The following ALS2 variants were observed in gnomAD, a reference collection of about 807,000 sequenced individuals.
ALS2 encodes alsin Rho guanine nucleotide exchange factor ALS2.
ALS2 carries 117 observed loss-of-function variants against 203.4 expected under a neutral mutation model. The ratio of observed to expected loss-of-function variants is 0.58; its 90% CI spans 0.50 to 0.67. The LOEUF is 0.67. Among genes scored for constraint, ALS2 ranks in the 30% least tolerant of loss-of-function variants. ALS2 has a pLI of 0.00. For missense variants in ALS2, 1,715 were observed against 1,989.4 expected, an observed-to-expected ratio of 0.86 and a Z score of 2.62; for synonymous variants, 718 against 725.9, an observed-to-expected ratio of 0.99 and a Z score of 0.17.
At chr2:201,718,908 G>C (rs780874310) in intron 23 of ALS2, among the ~76,000 whole-genome samples, 1 of 151,824 alleles carries the variant, frequency 6.6e-6, no homozygotes, top group South Asian at 2.1e-4. Flanking sequence ...ACAAAAGGAG[G>C]AACAAACTAA....
intron 27 of ALS2, 71 bp from the exon 28 acceptor site, chr2:201,708,062 T>A: frequency 6.9e-7 from 1 of 1,453,248 alleles, no homozygotes; most frequent in Non-Finnish European, 9.5e-7. Context: ...AAAACACATT[T>A]CCATTAGTTA....
At chr2:201,752,667 G>A (rs953745641) in intron 7 of ALS2, among the ~76,000 whole-genome samples, 6 of 151,866 alleles carry the variant, frequency 4.0e-5, no homozygotes, top group Non-Finnish European at 5.9e-5. Context: ...TGAGCAGTCT[G>A]GGTTTAAAAA....
intron 10 of ALS2, among the ~76,000 whole-genome samples, chr2:201,742,838 G>A (rs976327081): frequency 2.0e-5 from 3 of 152,156 alleles, no homozygotes; most frequent in Non-Finnish European, 2.9e-5. Context: ...TTGGGAGGCC[G>A]AGGCAGGCAG....
intron 12 of ALS2, 127 bp downstream of exon 12, chr2:201,738,543 G>T: frequency 1.1e-6 from 1 of 895,496 alleles, no homozygotes; most frequent in Non-Finnish European, 1.8e-6. Context: ...CTTACTGAAA[G>T]TTTATATTTT....
At chr2:201,733,191 C>T in intron 13 of ALS2, 85 bp downstream of exon 13, 1 of 1,395,870 alleles carries the variant, frequency 7.2e-7, no homozygotes, top group Non-Finnish European at 1.0e-6. Context: ...TACTGGAGTT[C>T]CAGATCTTGT....
At chr2:201,728,171 G>A (rs1019517819) in intron 15 of ALS2, among the ~76,000 whole-genome samples, 13 of 152,050 alleles carry the variant, frequency 8.5e-5, no homozygotes, top group African/African-American at 1.4e-4. Flanking sequence ...ATGTATACAC[G>A]TGCCATGTTG....
At chr2:201,750,939 C>T (rs546192597) in intron 7 of ALS2, among the ~76,000 whole-genome samples, 4 of 151,608 alleles carry the variant, frequency 2.6e-5, no homozygotes, top group East Asian at 1.9e-4. Context: ...CTGCAACCTC[C>T]GCCTCCCAGA....
chr2:201,717,118 G>C (rs1328164124), intron 24 of ALS2, among the ~76,000 whole-genome samples: 1 of 152,214 alleles, frequency 6.6e-6, no homozygotes, highest in South Asian at 2.1e-4. Context: ...GTGTGTGTGT[G>C]TGTGTATGTT....
At chr2:201,737,549 G>GA (rs1691957462) in intron 12 of ALS2, among the ~76,000 whole-genome samples, 1 of 152,124 alleles carries the variant, frequency 6.6e-6, no homozygotes, top group Non-Finnish European at 1.5e-5. Context: ...TTTTAATGGT[G>GA]AAATATTAAA....
chr2:201,726,804 G>T lies in ALS2; in HGVS notation c.3042C>A (p.Leu1014=). 4 of 1,614,132 alleles carry T rather than the reference G, an allele frequency of 2.5e-6. No homozygotes were observed. The highest frequency in any genetic ancestry group is 3.4e-6 in the Non-Finnish European group (4 of 1,180,024). ...CACTGCTACCACTTCCATAAGGGGG[G>T]AGATCAGACATCCCTCTCAAAGCCT... ...VDQALRGMSD[L]PPYGSGSSVQ... Residue 1014 remains leucine (L), a synonymous_variant, in exon 18 of 34, where the codon CTC becomes CTA. Transcript: ENST00000264276.
intron 23 of ALS2, among the ~76,000 whole-genome samples, chr2:201,721,620 T>C (rs184092320): frequency 2.0e-5 from 3 of 152,300 alleles, no homozygotes; most frequent in East Asian, 3.9e-4. Flanking sequence ...ACAAAAGTTA[T>C]CTTAAAATGA....
At chr2:201,761,951 T>C (rs1693797157) in intron 3 of ALS2, 133 bp from the exon 4 acceptor site, 2 of 992,776 alleles carry the variant, frequency 2.0e-6, no homozygotes, top group Admixed American at 2.4e-5. Flanking sequence ...AAAGCAGTTG[T>C]AGAAATCTGG....
intron 8 of ALS2, among the ~76,000 whole-genome samples, chr2:201,748,084 G>A (rs1574757491): frequency 6.6e-6 from 1 of 152,190 alleles, no homozygotes; most frequent in South Asian, 2.1e-4. Context: ...TCTCTAATCT[G>A]TTAGATCCTT....
At chr2:201,724,778 T>A (rs547828215) in intron 20 of ALS2, among the ~76,000 whole-genome samples, 53 of 152,308 alleles carry the variant, frequency 3.5e-4, no homozygotes, top group African/African-American at 1.3e-3. Flanking sequence ...TGTCTTATTA[T>A]AGATAAGACC....
chr2:201,768,991 C>T, intron 1 of ALS2, 46 bp from the exon 2 acceptor site: 8 of 1,004,760 alleles, frequency 8.0e-6, no homozygotes, highest in Middle Eastern at 2.2e-4. Context: ...AATATTTTAC[C>T]CCTCAGACAT....
chr2:201,775,969 GT>G (rs1161889976), intron 1 of ALS2, among the ~76,000 whole-genome samples: 2 of 152,094 alleles, frequency 1.3e-5, no homozygotes, highest in Admixed American at 6.6e-5. Flanking sequence ...GAACAAGCTG[GT>G]TACATTTAAG....
Position 201,761,837 on chromosome 2 carries a change from A to T in ALS2, c.176-19T>A, listed in dbSNP as rs756097187. 148 of 1,611,872 alleles carry T rather than the reference A, an allele frequency of 9.2e-5. 2 individuals are homozygous for T. In the Admixed American group the frequency reaches 1.5e-3, roughly 17 times the overall value. On this transcript the variant is annotated intron_variant, in intron 3 of 33. Coordinates refer to ENST00000264276, the MANE Select transcript of ALS2 (RefSeq NM_020919.4). Reference sequence around the variant, plus strand: ...TCACCATCTGAAGGTTAAAAAAAAGAAAAAAGAAAAAAAAAAGGGTTAGTG... The same window carrying T: ...TCACCATCTGAAGGTTAAAAAAAAGTAAAAAGAAAAAAAAAAGGGTTAGTG...
intron 23 of ALS2, chr2:201,722,711 G>A (rs895297024): frequency 4.5e-5 from 12 of 264,256 alleles, no homozygotes; most frequent in Non-Finnish European, 7.1e-5. Context: ...AGTGTAAGAA[G>A]CCACATAGAG....
At chr2:201,737,252 C>T (rs908192675) in intron 12 of ALS2, among the ~76,000 whole-genome samples, 13 of 152,130 alleles carry the variant, frequency 8.5e-5, no homozygotes, top group African/African-American at 2.9e-4. Context: ...AAAGGATGTG[C>T]ACAGGTTATA....
Sources: gnomAD v4.1 joint callset for allele counts (sites outside exome capture counted in the v4.1 genomes callset) on GRCh38, gnomAD v4.1.1 for gene constraint, MANE v1.5 for transcripts, NCBI Gene and HGNC (gene_info 2026-07-23, HGNC 2026-07-21) for gene names.